EOGT: variants seen among roughly 807,000 people sequenced by gnomAD.
The protein encoded by EOGT is EGF domain specific O-linked N-acetylglucosamine transferase, also known as EGF domain-specific O-linked N-acetylglucosamine transferase.
Under a neutral mutation model 70.5 loss-of-function variants are expected in EOGT, and 55 were observed. That is an observed-to-expected ratio of 0.78 (90% CI 0.63 to 0.98). The LOEUF is 0.98. EOGT is among the 50% of genes least tolerant of loss of function. EOGT has a pLI of 0.00. For missense variants in EOGT, 703 were observed against 641.9 expected, an observed-to-expected ratio of 1.10 and a Z score of -1.03; for synonymous variants, 246 against 217.1, an observed-to-expected ratio of 1.13 and a Z score of -1.17.
rs56046605 is a variant in EOGT, at chr3:68,990,348, C to CTT, written c.832-1333_832-1332dup. Among the ~76,000 whole-genome samples the CTT allele has an allele frequency of 5.3e-3, 573 of 107,854 alleles. 2 individuals are homozygous for CTT. The highest frequency in any genetic ancestry group is 7.1e-3 in the Non-Finnish European group (391 of 54,968). 70.8% of individuals were successfully genotyped at this position (107,854 alleles called of 152,430 possible). A position where few individuals can be genotyped will look rare whatever the true frequency, so the allele number is the denominator to read the frequency against. On this transcript the variant is annotated intron_variant, in intron 10 of 17. Coordinates refer to ENST00000383701, the MANE Select transcript of EOGT (RefSeq NM_001278689.2). ...TTCTTTCCAGTATAATTACCACATGCTTTTTTTTTTTTTTTTTTTTTTGAG... is the reference window on the plus strand; with the variant it reads ...TTCTTTCCAGTATAATTACCACATGCTTTTTTTTTTTTTTTTTTTTTTTTGAG...
chr3:69,010,389 G>A (rs1575787938), intron 3 of EOGT, among the ~76,000 whole-genome samples: 1 of 152,196 alleles, frequency 6.6e-6, no homozygotes, highest in African/African-American at 2.4e-5. Flanking sequence ...GGGCTTGATA[G>A]GATCCAGTTT....
chr3:68,989,941 A>G (rs937354134), intron 10 of EOGT, among the ~76,000 whole-genome samples: 1 of 151,814 alleles, frequency 6.6e-6, no homozygotes, highest in Non-Finnish European at 1.5e-5. Flanking sequence ...CCTTGTCTCT[A>G]ATAAAATAAA....
At chr3:69,013,289 C>A (rs1206015234) in intron 1 of EOGT, among the ~76,000 whole-genome samples, 1 of 151,742 alleles carries the variant, frequency 6.6e-6, no homozygotes, top group African/African-American at 2.4e-5. Context: ...CGGCTCCGCC[C>A]CGGCTGGAAA....
chr3:69,013,113 A>AG (rs2091616755), intron 1 of EOGT, among the ~76,000 whole-genome samples: 1 of 151,970 alleles, frequency 6.6e-6, no homozygotes, highest in African/African-American at 2.4e-5. Flanking sequence ...CCAAGGGCTG[A>AG]GGGGTCAGTG....
intron 5 of EOGT, among the ~76,000 whole-genome samples, chr3:69,008,202 A>G (rs2091486530): frequency 6.6e-6 from 1 of 152,196 alleles, no homozygotes; most frequent in Admixed American, 6.5e-5. Flanking sequence ...ACACTGGGGG[A>G]AAAAATTATC....
At chr3:68,987,961 C>G in intron 13 of EOGT, 2 of 353,598 alleles carry the variant, frequency 5.7e-6, no homozygotes, top group Non-Finnish European at 1.0e-5. Flanking sequence ...GTCGCCCAGG[C>G]GGGAGTGCAG....
At chr3:69,003,380 A>G (rs1428402005) in intron 8 of EOGT, among the ~76,000 whole-genome samples, 2 of 152,106 alleles carry the variant, frequency 1.3e-5, no homozygotes, top group Admixed American at 6.6e-5. Flanking sequence ...CATGGGAGGC[A>G]CCCGGTGGGA....
chr3:68,982,293 G>T (rs1045104194), intron 15 of EOGT, among the ~76,000 whole-genome samples: 3 of 152,136 alleles, frequency 2.0e-5, no homozygotes, highest in Non-Finnish European at 4.4e-5. Flanking sequence ...GCAGAGGCGG[G>T]CAGATCACTT....
At chr3:68,996,879 T>A (rs1263257341) in intron 10 of EOGT, among the ~76,000 whole-genome samples, 2 of 152,266 alleles carry the variant, frequency 1.3e-5, no homozygotes, top group African/African-American at 4.8e-5. Flanking sequence ...CTCTCTCATG[T>A]ACACTACAAA....
At position 69,001,621 on chromosome 3, in the gene EOGT, C is replaced by T; in HGVS notation, c.714G>A (p.Met238Ile). ...GTTATTTCTCACCTGCATCTAATTTCATGAAATATGTTGGTTTTTCAATGA... is the reference window on the plus strand; with the variant it reads ...GTTATTTCTCACCTGCATCTAATTTTATGAAATATGTTGGTTTTTCAATGA... ...DIVIEKPTYF[M>I]KLDAGVNMYH... The change falls in exon 9 of 18, where the codon ATG becomes ATA. Residue 238 changes from methionine (M) to isoleucine (I), a missense_variant. Physicochemically the swap from Met to Ile is conservative, Grantham distance 10. Transcript: ENST00000383701. The T allele has an allele frequency of 6.2e-7, 1 of 1,600,916 alleles. No individual in the cohort carries two copies. Among genetic ancestry groups the T allele is most frequent in the Non-Finnish European group, 8.5e-7 (1 of 1,171,310 alleles).
At chr3:68,979,264 A>C (rs1163626118) in intron 16 of EOGT, among the ~76,000 whole-genome samples, 1 of 152,230 alleles carries the variant, frequency 6.6e-6, no homozygotes, top group Admixed American at 6.5e-5. Flanking sequence ...GTATGGGATC[A>C]GCAAGCACTA....
chr3:69,008,416 A>G lies in EOGT; in HGVS notation c.311+12T>C. 4 of 1,590,844 alleles carry G rather than the reference A, an allele frequency of 2.5e-6. No homozygotes were observed. Among genetic ancestry groups the G allele is most frequent in the Non-Finnish European group, 3.5e-6 (4 of 1,158,766 alleles). ...GGAAGACTTGAAGAGGGTATTCCAT[A>G]TGGAAACTTACCATCCCATGTCGAC... On this transcript the variant is annotated intron_variant, in intron 5 of 17. Coordinates refer to ENST00000383701, the MANE Select transcript of EOGT (RefSeq NM_001278689.2).
chr3:68,998,383 T>C (rs145866318), intron 9 of EOGT, among the ~76,000 whole-genome samples: 621 of 152,296 alleles, frequency 4.1e-3, no homozygotes, highest in Non-Finnish European at 6.9e-3. Context: ...TAACAAGTGA[T>C]CATTAAGTTC....
chr3:68,996,821 C>A (rs762449771), intron 10 of EOGT, among the ~76,000 whole-genome samples: 6 of 152,194 alleles, frequency 3.9e-5, no homozygotes, highest in Non-Finnish European at 7.3e-5. Flanking sequence ...TTGAGTGGAA[C>A]CTTATATGAC....
chr3:68,988,941 G>A lies in EOGT; in HGVS notation c.908C>T (p.Thr303Ile). ...TTCCAGTACCCTTTTGGAATCATAA[G>A]TTTTCAAATGTATAACGTCATAATC... ...FTDYDVIHLKTYDSKRVCFKE... is the reference protein window; with the variant it reads ...FTDYDVIHLKIYDSKRVCFKE... Residue 303 changes from threonine (T) to isoleucine (I), a missense_variant, in exon 11 of 18, where the codon ACT becomes ATT. Physicochemically the swap from Thr to Ile is moderately conservative, Grantham distance 89. Transcript: ENST00000383701. 6.6e-7 allele frequency: 1 copy of A among 1,524,886 alleles called. No individual in the cohort carries two copies. Among genetic ancestry groups the A allele is most frequent in the Non-Finnish European group, 8.8e-7 (1 of 1,140,044 alleles). The allele number at this position is 1,524,886 out of a possible 1,614,324, so 94.5% of individuals were successfully genotyped here.
chr3:68,979,883 T>A, intron 15 of EOGT, 96 bp from the exon 16 acceptor site: 1 of 1,235,020 alleles, frequency 8.1e-7, no homozygotes, highest in South Asian at 1.8e-5. Context: ...TTTATAAAAG[T>A]GTATTGCCCA....
At chr3:68,998,894 G>C (rs961347591) in intron 9 of EOGT, among the ~76,000 whole-genome samples, 12 of 151,172 alleles carry the variant, frequency 7.9e-5, no homozygotes, top group Admixed American at 7.9e-4. Flanking sequence ...GTTCATCAGG[G>C]AAGTACTGGC....
intron 9 of EOGT, among the ~76,000 whole-genome samples, chr3:68,999,786 T>G (rs555080646): frequency 2.2e-4 from 33 of 152,332 alleles, no homozygotes; most frequent in African/African-American, 7.5e-4. Flanking sequence ...TACTGAGGAA[T>G]GCAGCAAGCA....
intron 14 of EOGT, among the ~76,000 whole-genome samples, chr3:68,985,464 C>A (rs373997052): frequency 6.6e-6 from 1 of 152,172 alleles, no homozygotes; most frequent in East Asian, 1.9e-4. Flanking sequence ...CACCTCCCCC[C>A]TCAACTTTCC....
Sources: allele counts gnomAD v4.1 joint callset (sites outside exome capture counted in the v4.1 genomes callset), GRCh38; gene constraint gnomAD v4.1.1; transcripts MANE v1.5; gene names NCBI Gene and HGNC (gene_info 2026-07-23, HGNC 2026-07-21).